The following CSTPP1 variants were observed in gnomAD, a reference collection of about 807,000 sequenced individuals.
The protein encoded by CSTPP1 is centriolar satellite-associated tubulin polyglutamylase complex regulator 1.
chr11:46,942,171 A>G, the CSTPP1 span, among the ~76,000 whole-genome samples: 15 of 152,348 alleles, frequency 9.8e-5, no homozygotes, highest in South Asian at 3.1e-3. Flanking sequence ...ATCAGAATGT[A>G]GTGATAAAAA....
the CSTPP1 span, among the ~76,000 whole-genome samples, chr11:47,106,079 C>T: frequency 9.9e-5 from 15 of 152,158 alleles, no homozygotes; most frequent in Non-Finnish European, 1.6e-4. Flanking sequence ...GATTTATCCA[C>T]CTTGTCACAC....
chr11:47,076,601 G>T, the CSTPP1 span, among the ~76,000 whole-genome samples: 368 of 152,252 alleles, frequency 2.4e-3, 1 homozygote, highest in African/African-American at 8.1e-3. Context: ...AGCACTTTGG[G>T]AGGCCGAGGA....
the CSTPP1 span, among the ~76,000 whole-genome samples, chr11:47,113,668 A>G: frequency 2.6e-5 from 4 of 152,140 alleles, no homozygotes; most frequent in African/African-American, 7.2e-5. Flanking sequence ...GTGTCTGTTC[A>G]TATCCTTTGC....
the CSTPP1 span, among the ~76,000 whole-genome samples, chr11:46,938,256 G>C: frequency 6.6e-6 from 1 of 151,114 alleles, no homozygotes; most frequent in East Asian, 1.9e-4. Flanking sequence ...CACAGTTTCC[G>C]CTATTATTTA....
the CSTPP1 span, among the ~76,000 whole-genome samples, chr11:46,962,115 A>G: frequency 7.7e-4 from 117 of 152,302 alleles, no homozygotes; most frequent in Non-Finnish European, 1.5e-3. Flanking sequence ...AATCACCCCC[A>G]TGATTCAGTT....
At chr11:47,055,991 G>A in the CSTPP1 span, among the ~76,000 whole-genome samples, 2 of 152,180 alleles carry the variant, frequency 1.3e-5, no homozygotes, top group Non-Finnish European at 2.9e-5. Flanking sequence ...GTTATCAGAG[G>A]TTATCTTTCC....
chr11:47,142,296 G>A, the CSTPP1 span, among the ~76,000 whole-genome samples: 2 of 150,972 alleles, frequency 1.3e-5, no homozygotes, highest in African/African-American at 4.9e-5. Flanking sequence ...TTAGGTTGGT[G>A]TAAAAGTAAT....
chr11:47,038,693 C>T, the CSTPP1 span, among the ~76,000 whole-genome samples: 1 of 124,334 alleles, frequency 8.0e-6, no homozygotes, highest in East Asian at 2.2e-4. Flanking sequence ...ACCCCCCCAC[C>T]TCCCTGCCGG....
chr11:47,101,824 GA>G, the CSTPP1 span, among the ~76,000 whole-genome samples: 2 of 152,138 alleles, frequency 1.3e-5, no homozygotes, highest in Admixed American at 6.5e-5. Context: ...AGAGGTCCGT[GA>G]TCCTAGATTA....
chr11:47,018,682 T>C, the CSTPP1 span, among the ~76,000 whole-genome samples: 1 of 152,252 alleles, frequency 6.6e-6, no homozygotes, highest in Non-Finnish European at 1.5e-5. Flanking sequence ...ATGATTGGGT[T>C]GTTCTATATC....
At chr11:46,984,982 A>G in the CSTPP1 span, among the ~76,000 whole-genome samples, 1 of 151,748 alleles carries the variant, frequency 6.6e-6, no homozygotes, top group Non-Finnish European at 1.5e-5. Context: ...ATTGGCAGGT[A>G]TTATCTCACA....
At chr11:47,041,213 A>G in the CSTPP1 span, 1 of 211,802 alleles carries the variant, frequency 4.7e-6, no homozygotes, top group Non-Finnish European at 1.0e-5. Flanking sequence ...CAGGATTTTC[A>G]GGGTTGGGGA....
the CSTPP1 span, among the ~76,000 whole-genome samples, chr11:47,054,950 T>C: frequency 1.4e-4 from 21 of 145,298 alleles, no homozygotes; most frequent in Admixed American, 6.2e-4. Flanking sequence ...TTTTTTTTTT[T>C]TTTTTTTGGA....
chr11:47,022,240 C>CA, the CSTPP1 span, among the ~76,000 whole-genome samples: 22 of 147,386 alleles, frequency 1.5e-4, no homozygotes, highest in South Asian at 3.0e-3. Context: ...CATACTTTAA[C>CA]AAAAAAAAAG....
chr11:47,016,402 AACAAAAAAC>A, the CSTPP1 span, among the ~76,000 whole-genome samples: 1 of 138,302 alleles, frequency 7.2e-6, no homozygotes, highest in African/African-American at 2.8e-5. Flanking sequence ...AAAAACAAAA[AACAAAAAAC>A]AAAAAAAAAA....
the CSTPP1 span, among the ~76,000 whole-genome samples, chr11:46,967,025 G>C: frequency 6.6e-6 from 1 of 152,092 alleles, no homozygotes; most frequent in Admixed American, 6.6e-5. Context: ...AGACTCTATG[G>C]TGTCTTTTGA....
At chr11:47,122,092 ATATATAT>A in the CSTPP1 span, among the ~76,000 whole-genome samples, 6 of 35,076 alleles carry the variant, frequency 1.7e-4, no homozygotes, top group African/African-American at 4.2e-4. Flanking sequence ...AAAAAAAAAA[ATATATAT>A]ATATATATAT....
the CSTPP1 span, among the ~76,000 whole-genome samples, chr11:47,102,531 AT>A: frequency 6.6e-5 from 10 of 152,314 alleles, no homozygotes; most frequent in Admixed American, 3.3e-4. Flanking sequence ...CCCTTAAAAA[AT>A]ATATAGATAG....
At chr11:47,048,179 G>A in the CSTPP1 span, among the ~76,000 whole-genome samples, 1 of 152,094 alleles carries the variant, frequency 6.6e-6, no homozygotes, top group Non-Finnish European at 1.5e-5. Context: ...ATTAAAGAAG[G>A]AACTGAAACA....
Sources: gnomAD v4.1 joint callset for allele counts (sites outside exome capture counted in the v4.1 genomes callset) on GRCh38, gnomAD v4.1.1 for gene constraint, MANE v1.5 for transcripts, NCBI Gene and HGNC (gene_info 2026-07-23, HGNC 2026-07-21) for gene names.